Variants in SLC24A3 observed in about 807,000 individuals in gnomAD.
SLC24A3 encodes sodium/potassium/calcium exchanger 3.
SLC24A3 carries 28 observed loss-of-function variants against 75.8 expected under a neutral mutation model. The ratio of observed to expected loss-of-function variants is 0.37; its 90% CI spans 0.27 to 0.51. The LOEUF is 0.51. Ranked by LOEUF, SLC24A3 falls within the 20% of genes least tolerant of loss-of-function variation. SLC24A3 has a pLI of 0.94. For missense variants in SLC24A3, 663 were observed against 847.8 expected, an observed-to-expected ratio of 0.78 and a Z score of 2.71; for synonymous variants, 372 against 334.1, an observed-to-expected ratio of 1.11 and a Z score of -1.24.
chr20:19,460,954 G>T (rs191302677), intron 2 of SLC24A3, among the ~76,000 whole-genome samples: 1 of 152,334 alleles, frequency 6.6e-6, no homozygotes, highest in Non-Finnish European at 1.5e-5. Flanking sequence ...TCCTGGTAGA[G>T]TCATGTCCTA....
intron 6 of SLC24A3, among the ~76,000 whole-genome samples, chr20:19,599,269 T>C (rs2031493436): frequency 1.3e-5 from 2 of 152,156 alleles, no homozygotes. Flanking sequence ...ACAGAGGGGC[T>C]CCCGTCCTGG....
intron 2 of SLC24A3, among the ~76,000 whole-genome samples, chr20:19,356,793 G>A (rs1985694616): frequency 6.6e-6 from 1 of 151,914 alleles, no homozygotes; most frequent in African/African-American, 2.4e-5. Context: ...GACTAGCAGG[G>A]GATGCAAGTT....
chr20:19,533,530 G>T (rs953498547), intron 3 of SLC24A3, among the ~76,000 whole-genome samples: 2 of 152,152 alleles, frequency 1.3e-5, no homozygotes, highest in African/African-American at 2.4e-5. Context: ...TGTGGAGCCA[G>T]GTGAAGGGGT....
intron 1 of SLC24A3, among the ~76,000 whole-genome samples, chr20:19,220,171 C>A (rs1199227176): frequency 6.6e-6 from 1 of 152,126 alleles, no homozygotes; most frequent in Non-Finnish European, 1.5e-5. Context: ...ACTGTCTGAA[C>A]CAATAAACAT....
intron 1 of SLC24A3, among the ~76,000 whole-genome samples, chr20:19,269,783 G>A (rs536992235): frequency 6.6e-6 from 1 of 152,170 alleles, no homozygotes; most frequent in Non-Finnish European, 1.5e-5. Flanking sequence ...CCATCATCAG[G>A]TGAGGTGGGC....
intron 2 of SLC24A3, among the ~76,000 whole-genome samples, chr20:19,503,625 C>G (rs1988418938): frequency 6.6e-6 from 1 of 152,186 alleles, no homozygotes; most frequent in Non-Finnish European, 1.5e-5. Flanking sequence ...GCATTTTCCC[C>G]TTAAGGAGGG....
chr20:19,291,847 T>C (rs573506022), intron 2 of SLC24A3, among the ~76,000 whole-genome samples: 1 of 152,276 alleles, frequency 6.6e-6, no homozygotes, highest in South Asian at 2.1e-4. Flanking sequence ...GGCAAGAAGC[T>C]GCAGACCCCT....
In SLC24A3 at chr20:19,606,095, C is replaced by A. The variant is rs555736669; in HGVS notation, c.612+20551C>A. On this transcript the variant is annotated intron_variant, in intron 6 of 16. Transcript: ENST00000328041. ...GTTGGCCAAACTGCCAGTTTCCCAG[C>A]CTTCCTCTCCATCAGGGCCTGTGGC... Among the ~76,000 whole-genome samples the A allele has an allele frequency of 2.4e-4, 36 of 152,362 alleles. 3 individuals are homozygous for A. In the South Asian group the frequency reaches 6.6e-3, roughly 28 times the overall value.
chr20:19,696,619 CA>C (rs2032809119), intron 13 of SLC24A3, 177 bp from the exon 14 acceptor site: 1 of 499,416 alleles, frequency 2.0e-6, no homozygotes, highest in Non-Finnish European at 3.6e-6. Context: ...CCCTGACCTG[CA>C]GCCCCGGTCG....
rs115333803 is a variant in SLC24A3 at position 19,698,977 on chromosome 20, C to T, written c.1719+297C>T. Among the ~76,000 whole-genome samples the T allele has an allele frequency of 5.0e-3, 755 of 152,264 alleles. 6 individuals are homozygous for T. The highest frequency in any genetic ancestry group is 0.017 in the African/African-American group (704 of 41,544). ...CAGCTTTGCTGCTGTAGCAGAAAAA[C>T]GGCCATAGACAATAAATAACCAAAC... On this transcript the variant is annotated intron_variant, in intron 15 of 16. Coordinates refer to ENST00000328041, the MANE Select transcript of SLC24A3 (RefSeq NM_020689.4).
At chr20:19,448,467 C>G (rs1254438835) in intron 2 of SLC24A3, among the ~76,000 whole-genome samples, 1 of 152,214 alleles carries the variant, frequency 6.6e-6, no homozygotes, top group Non-Finnish European at 1.5e-5. Context: ...CGCCTGACTT[C>G]AACACCGTGT....
intron 9 of SLC24A3, among the ~76,000 whole-genome samples, chr20:19,681,392 C>T (rs1476163648): frequency 6.6e-6 from 1 of 152,330 alleles, no homozygotes; most frequent in Admixed American, 6.5e-5. Flanking sequence ...TGACACACAG[C>T]CACTGTTCCT....
chr20:19,288,051 G>A (rs1983855248), intron 2 of SLC24A3, among the ~76,000 whole-genome samples: 1 of 152,194 alleles, frequency 6.6e-6, no homozygotes, highest in Non-Finnish European at 1.5e-5. Flanking sequence ...ACAGTGGAAG[G>A]TAGGCTGATG....
At chr20:19,248,248 C>T (rs537848992) in intron 1 of SLC24A3, among the ~76,000 whole-genome samples, 4 of 152,318 alleles carry the variant, frequency 2.6e-5, no homozygotes, top group Admixed American at 6.5e-5. Context: ...TGCCATTTCT[C>T]TTCTACTTTC....
chr20:19,215,347 G>A (rs1981524825), intron 1 of SLC24A3, among the ~76,000 whole-genome samples: 1 of 152,140 alleles, frequency 6.6e-6, no homozygotes, highest in African/African-American at 2.4e-5. Context: ...TCGAAGAGTA[G>A]AGGAAAAAAC....
At chr20:19,640,949 A>T (rs983765794) in intron 6 of SLC24A3, among the ~76,000 whole-genome samples, 1 of 152,198 alleles carries the variant, frequency 6.6e-6, no homozygotes, top group Non-Finnish European at 1.5e-5. Context: ...AATTTGACTT[A>T]AATATTTTAT....
At position 19,283,856 on chromosome 20, in the gene SLC24A3, C is replaced by A. The variant is rs60709758; in HGVS notation, c.271+2769C>A. On this transcript the variant is annotated intron_variant, in intron 2 of 16. Transcript: ENST00000328041. The stretch of plus-strand genomic sequence containing the variant: ...TATTCGTGAATTTCCCACCCTCTGT[C>A]CTGGGGCATCATTACGGGTGGGGCA... Among the ~76,000 whole-genome samples, 774 of 152,296 alleles carry A rather than the reference C, an allele frequency of 5.1e-3. 6 individuals are homozygous for A. The highest frequency in any genetic ancestry group is 0.018 in the African/African-American group (741 of 41,552).
intron 13 of SLC24A3, chr20:19,696,484 G>A (rs2032807128): frequency 3.7e-6 from 1 of 268,780 alleles, no homozygotes; most frequent in Non-Finnish European, 7.1e-6. Flanking sequence ...CAAATATTCT[G>A]TCCCAATATT....
At position 19,294,043 on chromosome 20, in the gene SLC24A3, A is replaced by ATAATACC. The variant is rs552403173; in HGVS notation, c.271+12970_271+12976dup. On this transcript the variant is annotated intron_variant, in intron 2 of 16. Transcript: ENST00000328041. ...ACTTTAAATCATCTCTAGGTTGCTT[A>ATAATACC]TAATACCTAATACCTAATACAATGC... 3.7e-3 allele frequency among the ~76,000 whole-genome samples: 569 copies of ATAATACC among 152,248 alleles called. 2 individuals carry two copies. Among genetic ancestry groups the ATAATACC allele is most frequent in the African/African-American group, 0.013 (529 of 41,502 alleles).
Sources: allele counts gnomAD v4.1 joint callset (sites outside exome capture counted in the v4.1 genomes callset), GRCh38; gene constraint gnomAD v4.1.1; transcripts MANE v1.5; gene names NCBI Gene and HGNC (gene_info 2026-07-23, HGNC 2026-07-21).